The following SOX6 variants were observed in gnomAD, a reference collection of about 807,000 sequenced individuals.
The protein encoded by SOX6 is transcription factor SOX-6.
SOX6 carries 11 observed loss-of-function variants against 97.8 expected under a neutral mutation model. The observed-to-expected ratio is 0.11, with a 90% confidence interval of 0.07 to 0.19. SOX6 has a LOEUF of 0.19. SOX6 is among the 10% of genes least tolerant of loss of function. The pLI, the probability that SOX6 is intolerant of heterozygous loss-of-function variation, is 1.00. For synonymous variants in SOX6, 360 were observed against 371.4 expected (o/e 0.97, Z 0.35); for missense variants, 810 against 1,039.5 (o/e 0.78, Z 3.04).
At chr11:16,342,433 T>TA (rs1856666003) in intron 1 of SOX6, among the ~76,000 whole-genome samples, 1 of 151,904 alleles carries the variant, frequency 6.6e-6, no homozygotes, top group Non-Finnish European at 1.5e-5. Context: ...TACCATTTTT[T>TA]AAAAAATGCA....
intron 1 of SOX6, among the ~76,000 whole-genome samples, chr11:16,382,944 T>G (rs1857870987): frequency 6.6e-6 from 1 of 151,902 alleles, no homozygotes; most frequent in Non-Finnish European, 1.5e-5. Flanking sequence ...AAAAAACTAA[T>G]TAAAACTTTT....
chr11:16,016,685 G>T (rs1246169449), intron 12 of SOX6, among the ~76,000 whole-genome samples: 1 of 152,024 alleles, frequency 6.6e-6, no homozygotes, highest in Non-Finnish European at 1.5e-5. Context: ...GTAGCACTTT[G>T]GTTGTCATGA....
chr11:16,191,853 C>CTTTTTTTCT (rs1554942348), intron 4 of SOX6, among the ~76,000 whole-genome samples: 1 of 87,866 alleles, frequency 1.1e-5, no homozygotes, highest in Non-Finnish European at 2.7e-5. Flanking sequence ...TTTTTTTTTT[C>CTTTTTTTCT]TTTTTTTTCT....
chr11:16,129,331 T>A lies in SOX6; in HGVS notation c.778-17408A>T, dbSNP rs1455105. ...ATTGATACAAAATTTTATTTTCTGA[T>A]AATTGCCTCTCTTCCTCTTTTTTTT... is the stretch of plus-strand genomic sequence containing the variant. On this transcript the variant is annotated intron_variant, in intron 6 of 15. Coordinates refer to ENST00000683767, the MANE Select transcript of SOX6 (RefSeq NM_001367873.1). Among the ~76,000 whole-genome samples the A allele has an allele frequency of 8.7e-3, 1,321 of 152,314 alleles. 22 individuals carry two copies. Among genetic ancestry groups the A allele is most frequent in the African/African-American group, 0.03 (1,237 of 41,560 alleles).
chr11:16,549,405 G>A (rs1847657050), intron 4 of SOX6, among the ~76,000 whole-genome samples: 1 of 152,144 alleles, frequency 6.6e-6, no homozygotes. Flanking sequence ...CTGACCTCAG[G>A]TGATTTGCCC....
chr11:16,351,055 T>C (rs1251058113), intron 1 of SOX6, among the ~76,000 whole-genome samples: 1 of 152,154 alleles, frequency 6.6e-6, no homozygotes, highest in Non-Finnish European at 1.5e-5. Flanking sequence ...AAGATTATTA[T>C]ATCCATATCC....
chr11:16,609,806 T>A (rs1848376370), intron 4 of SOX6, among the ~76,000 whole-genome samples: 1 of 152,202 alleles, frequency 6.6e-6, no homozygotes, highest in East Asian at 1.9e-4. Flanking sequence ...AATACAATGC[T>A]TGAAGACTGG....
intron 2 of SOX6, among the ~76,000 whole-genome samples, chr11:16,325,328 CACACAAACAT>C (rs1856054833): frequency 6.6e-6 from 1 of 152,210 alleles, no homozygotes; most frequent in African/African-American, 2.4e-5. Context: ...TGCTCCCCCA[CACACAAACAT>C]ACACAAACTG....
intron 2 of SOX6, among the ~76,000 whole-genome samples, chr11:16,728,744 C>A (rs1848326901): frequency 6.6e-6 from 1 of 152,126 alleles, no homozygotes; most frequent in South Asian, 2.1e-4. Context: ...GATGAACTGA[C>A]AGAAGTAGGT....
At chr11:16,011,064 A>G (rs11023826) in intron 13 of SOX6, among the ~76,000 whole-genome samples, 45,615 of 151,960 alleles carry the variant, frequency 0.3, 8,491 homozygotes, top group Non-Finnish European at 0.41. Flanking sequence ...CTCCCATTAA[A>G]CAGGCTAGAA....
intron 1 of SOX6, among the ~76,000 whole-genome samples, chr11:16,415,788 A>G (rs536952523): frequency 1.2e-3 from 185 of 152,314 alleles, no homozygotes; most frequent in Non-Finnish European, 1.5e-3. Flanking sequence ...CTTCTAGATT[A>G]TCTGGCAATC....
At chr11:16,521,972 G>A (rs1023883297) in intron 4 of SOX6, among the ~76,000 whole-genome samples, 1 of 152,082 alleles carries the variant, frequency 6.6e-6, no homozygotes, top group African/African-American at 2.4e-5. Context: ...AAGAAATATG[G>A]GACTATGTGA....
chr11:16,673,070 TCAAAAA>T (rs962465203), intron 3 of SOX6, among the ~76,000 whole-genome samples: 13 of 151,924 alleles, frequency 8.6e-5, no homozygotes, highest in African/African-American at 2.7e-4. Flanking sequence ...AGACTCTGCC[TCAAAAA>T]CAAAAACAAA....
Position 16,341,193 on chromosome 11 carries a change from G to T in SOX6, c.56C>A (p.Ala19Glu). ...PFACAADGED[A>E]MTQDLTSREK... ...CCTTGAGGTTAAATCCTGGGTCATT[G>T]CATCCTCTCCATCAGCTGCACAGGC... The change falls in exon 2 of 16, where the codon GCA becomes GAA. Residue 19 changes from alanine to glutamate, a missense_variant. Coordinates refer to ENST00000683767, the MANE Select transcript of SOX6 (RefSeq NM_001367873.1). 6.2e-7 allele frequency: 1 copy of T among 1,613,468 alleles called. No homozygotes were observed. Among genetic ancestry groups the T allele is most frequent in the Non-Finnish European group, 8.5e-7 (1 of 1,179,634 alleles).
At chr11:16,447,474 T>C (rs530088933) in intron 1 of SOX6, among the ~76,000 whole-genome samples, 1 of 152,202 alleles carries the variant, frequency 6.6e-6, no homozygotes, top group Admixed American at 6.5e-5. Flanking sequence ...TTTCTTTCTT[T>C]GTCTCTCTCT....
intron 3 of SOX6, among the ~76,000 whole-genome samples, chr11:16,706,489 T>A (rs1348589982): frequency 0.026 from 227 of 8,670 alleles, 44 homozygotes; most frequent in East Asian, 0.038. Flanking sequence ...TATATATATA[T>A]ATATATATAT....
rs116629415 is a variant in SOX6 at position 16,494,844 on chromosome 11, T to C, written n.610-18456A>G. 8.5e-3 allele frequency among the ~76,000 whole-genome samples: 1,287 copies of C among 152,262 alleles called. 17 individuals are homozygous for C. Among genetic ancestry groups the C allele is most frequent in the African/African-American group, 0.03 (1,232 of 41,530 alleles). Reference sequence around the variant, plus strand: ...TCATAGGGGAGCTTGTCAACCTTGGTGGGCACTGAGACTAACACAGGAAGC... The same window carrying C: ...TCATAGGGGAGCTTGTCAACCTTGGCGGGCACTGAGACTAACACAGGAAGC... On this transcript the variant is annotated intron_variant and non_coding_transcript_variant, in intron 4 of 5. Coordinates refer to the SOX6 transcript ENST00000524520.
At chr11:16,732,924 A>G (rs1241477620) in intron 2 of SOX6, among the ~76,000 whole-genome samples, 3 of 152,256 alleles carry the variant, frequency 2.0e-5, no homozygotes, top group Non-Finnish European at 4.4e-5. Context: ...AAGTGGGTGA[A>G]GGATATGAAC....
At chr11:16,728,121 G>T (rs1848321268) in intron 2 of SOX6, among the ~76,000 whole-genome samples, 1 of 152,138 alleles carries the variant, frequency 6.6e-6, no homozygotes. Context: ...CCATCTCCCT[G>T]GGACAGAACA....
Sources: gnomAD v4.1 joint callset for allele counts (sites outside exome capture counted in the v4.1 genomes callset) on GRCh38, gnomAD v4.1.1 for gene constraint, MANE v1.5 for transcripts, NCBI Gene and HGNC (gene_info 2026-07-23, HGNC 2026-07-21) for gene names.